Variants in PPP3R1 observed in about 807,000 individuals in gnomAD.
PPP3R1 encodes calcineurin subunit B type 1.
In PPP3R1, 5 loss-of-function variants were observed where a neutral mutation model predicts 22.6. The observed-to-expected ratio is 0.22, with a 90% confidence interval of 0.12 to 0.46. The LOEUF is 0.46. Among genes scored for constraint, PPP3R1 ranks in the 20% least tolerant of loss-of-function variants. The pLI is 0.99. For missense variants in PPP3R1, 61 were observed against 203.2 expected, an observed-to-expected ratio of 0.30 and a Z score of 4.25; for synonymous variants, 56 against 65.2, an observed-to-expected ratio of 0.86 and a Z score of 0.68.
chr2:68,198,186 A>C (rs1399538678), intron 2 of PPP3R1, among the ~76,000 whole-genome samples: 1 of 139,090 alleles, frequency 7.2e-6, no homozygotes, highest in Non-Finnish European at 1.5e-5. Flanking sequence ...TGTATATATA[A>C]TATATATTTA....
chr2:68,251,533 C>T (rs1670351809), intron 1 of PPP3R1, among the ~76,000 whole-genome samples: 1 of 152,184 alleles, frequency 6.6e-6, no homozygotes, highest in South Asian at 2.1e-4. Context: ...CCCCGCAGGG[C>T]TGCGCACCGC....
intron 2 of PPP3R1, among the ~76,000 whole-genome samples, chr2:68,204,266 G>A (rs760687592): frequency 6.6e-6 from 1 of 151,152 alleles, no homozygotes; most frequent in African/African-American, 2.4e-5. Flanking sequence ...AAGTCACAAC[G>A]GCCTAGAATA....
intron 1 of PPP3R1, among the ~76,000 whole-genome samples, chr2:68,249,873 T>C (rs1312436246): frequency 6.6e-6 from 1 of 152,216 alleles, no homozygotes; most frequent in Non-Finnish European, 1.5e-5. Flanking sequence ...GTAAATGCTG[T>C]TGACAGAATG....
At chr2:68,216,413 C>T (rs905824969) in intron 2 of PPP3R1, among the ~76,000 whole-genome samples, 1 of 151,584 alleles carries the variant, frequency 6.6e-6, no homozygotes, top group Non-Finnish European at 1.5e-5. Context: ...CTACCCCTCC[C>T]TAAAATGTGA....
intron 2 of PPP3R1, among the ~76,000 whole-genome samples, chr2:68,193,164 G>A (rs1674700739): frequency 6.6e-6 from 1 of 152,120 alleles, no homozygotes; most frequent in African/African-American, 2.4e-5. Flanking sequence ...CAAAGGCAAA[G>A]CAATGTGCCA....
At chr2:68,195,325 G>A in intron 2 of PPP3R1, among the ~76,000 whole-genome samples, 1 of 151,992 alleles carries the variant, frequency 6.6e-6, no homozygotes, top group Admixed American at 6.6e-5. Context: ...ATGCATTTAG[G>A]CATTTGGGGC....
chr2:68,229,965 T>TACACACACACAC (rs1157191768), intron 1 of PPP3R1, among the ~76,000 whole-genome samples: 16 of 49,522 alleles, frequency 3.2e-4, no homozygotes, highest in African/African-American at 7.8e-4. Context: ...TGTGTATATA[T>TACACACACACAC]ACACACATAC....
rs538435439 is a variant in PPP3R1, at chr2:68,198,268, T to C, written c.44-9578A>G. Among the ~76,000 whole-genome samples the C allele has an allele frequency of 1.6e-4, 23 of 141,888 alleles. 1 individual carries two copies. Among genetic ancestry groups the C allele is most frequent in the Middle Eastern group, 8.1e-3 (2 of 246 alleles). The allele number at this position is 141,888 out of a possible 152,430, so 93.1% of individuals were successfully genotyped here. On this transcript the variant is annotated intron_variant, in intron 2 of 5. Transcript: ENST00000234310. ...ATGTACATACATATGTATACATACA[T>C]ATGTGTATGCATGTATGTGTATACA...
intron 2 of PPP3R1, among the ~76,000 whole-genome samples, chr2:68,198,266 CATAT>C (rs1174442729): frequency 7.6e-5 from 11 of 144,698 alleles, no homozygotes; most frequent in South Asian, 4.3e-4. Flanking sequence ...TGTATACATA[CATAT>C]GTGTATGCAT....
chr2:68,234,706 A>T (rs1464773541), intron 1 of PPP3R1, among the ~76,000 whole-genome samples: 1 of 152,234 alleles, frequency 6.6e-6, no homozygotes, highest in Non-Finnish European at 1.5e-5. Flanking sequence ...TTACATGGAA[A>T]CTTTCCAACA....
rs1270494304 is a variant in PPP3R1 at position 68,180,726 on chromosome 2, T to C, written c.*237A>G. On this transcript the variant is annotated 3_prime_UTR_variant, in exon 6 of 6. Coordinates refer to ENST00000234310, the MANE Select transcript of PPP3R1 (RefSeq NM_000945.4). ...CAACCCCTTCCCTTTCTCCACCACA[T>C]TGATATGCTCTTTTCATGTTGCTGT... The C allele has an allele frequency of 1.7e-5, 7 of 422,048 alleles. No individual in the cohort carries two copies. The highest frequency in any genetic ancestry group is 4.9e-5 in the South Asian group (1 of 20,270). 26.1% of individuals were successfully genotyped at this position (422,048 alleles called of 1,614,324 possible). A position where few individuals can be genotyped will look rare whatever the true frequency, so the allele number is the denominator to read the frequency against.
intron 2 of PPP3R1, among the ~76,000 whole-genome samples, chr2:68,212,509 A>G (rs1669506409): frequency 6.6e-6 from 1 of 152,238 alleles, no homozygotes; most frequent in Admixed American, 6.5e-5. Context: ...TCTTTACTCC[A>G]TGGGCTACAG....
intron 1 of PPP3R1, among the ~76,000 whole-genome samples, chr2:68,228,196 C>G (rs904692641): frequency 2.2e-4 from 34 of 152,072 alleles, no homozygotes; most frequent in Admixed American, 5.9e-4. Flanking sequence ...ATTATACAGA[C>G]TAAGTTTCAA....
At chr2:68,186,767 C>G (rs1333731777) in intron 4 of PPP3R1, 115 bp from the exon 5 acceptor site, 2 of 988,568 alleles carry the variant, frequency 2.0e-6, no homozygotes, top group African/African-American at 3.3e-5. Context: ...ATGAGGATGT[C>G]TCCTTCCTTA....
rs1290991106 is a variant in PPP3R1 at position 68,179,236 on chromosome 2, A to G, written c.*1727T>C. 1 of 152,684 alleles carries G rather than the reference A, an allele frequency of 6.5e-6. No individual in the cohort carries two copies. The highest frequency in any genetic ancestry group is 2.4e-5 in the African/African-American group (1 of 41,462). 9.5% of individuals were successfully genotyped at this position (152,684 alleles called of 1,614,324 possible). A position where few individuals can be genotyped will look rare whatever the true frequency, so the allele number is the denominator to read the frequency against. On this transcript the variant is annotated 3_prime_UTR_variant, in exon 6 of 6. Coordinates refer to ENST00000234310, the MANE Select transcript of PPP3R1 (RefSeq NM_000945.4). ...ACAGTTCAAACCACTGGCTGGGATT[A>G]TAAGCCATGCCACTGATCCAGAGGA...
intron 1 of PPP3R1, among the ~76,000 whole-genome samples, chr2:68,251,650 G>A (rs572632622): frequency 6.6e-6 from 1 of 152,034 alleles, no homozygotes; most frequent in East Asian, 1.9e-4. Flanking sequence ...GCTCTGGAGA[G>A]TAAGTGGGTC....
At chr2:68,223,555 C>T (rs1206732286) in intron 1 of PPP3R1, among the ~76,000 whole-genome samples, 2 of 151,800 alleles carry the variant, frequency 1.3e-5, no homozygotes, top group Non-Finnish European at 2.9e-5. Context: ...TCAAAACCAA[C>T]GTGATTCACA....
chr2:68,242,726 TA>T (rs1670158997), intron 1 of PPP3R1, among the ~76,000 whole-genome samples: 1 of 152,178 alleles, frequency 6.6e-6, no homozygotes, highest in Non-Finnish European at 1.5e-5. Flanking sequence ...CAAGAAATAC[TA>T]GACAATGCCA....
At chr2:68,181,375 A>G (rs1181080994) in intron 5 of PPP3R1, among the ~76,000 whole-genome samples, 1 of 149,318 alleles carries the variant, frequency 6.7e-6, no homozygotes, top group Non-Finnish European at 1.5e-5. Context: ...ACTGGGCAAC[A>G]GAGCGAGACT....
Sources: allele counts gnomAD v4.1 joint callset (sites outside exome capture counted in the v4.1 genomes callset), GRCh38; gene constraint gnomAD v4.1.1; transcripts MANE v1.5; gene names NCBI Gene and HGNC (gene_info 2026-07-23, HGNC 2026-07-21).